Variants in ST8SIA4 observed in about 807,000 individuals in gnomAD.
The protein encoded by ST8SIA4 is ST8 alpha-N-acetyl-neuraminide alpha-2,8-sialyltransferase 4.
Under a neutral mutation model 33.9 loss-of-function variants are expected in ST8SIA4, and 15 were observed. The observed-to-expected ratio is 0.44, with a 90% CI of 0.30 to 0.68. The LOEUF is 0.68. ST8SIA4 is among the 30% of genes least tolerant of loss of function. The pLI, the probability that ST8SIA4 is intolerant of heterozygous loss-of-function variation, is 0.10. For missense variants in ST8SIA4, 321 were observed against 428.0 expected (o/e 0.75, Z 2.21); for synonymous variants, 171 against 151.2 (o/e 1.13, Z -0.96).
intron 4 of ST8SIA4, among the ~76,000 whole-genome samples, chr5:100,844,016 T>C (rs929225491): frequency 1.8e-4 from 28 of 151,848 alleles, no homozygotes; most frequent in Non-Finnish European, 1.2e-4. Context: ...CAGAAATTCT[T>C]CACGGAATGT....
At chr5:100,826,052 A>T (rs1751137117) in intron 4 of ST8SIA4, among the ~76,000 whole-genome samples, 1 of 152,182 alleles carries the variant, frequency 6.6e-6, no homozygotes, top group African/African-American at 2.4e-5. Context: ...CCAGAATTCT[A>T]GTTCTTTTGA....
chr5:100,816,083 T>C (rs1750909805), intron 4 of ST8SIA4, among the ~76,000 whole-genome samples: 2 of 152,186 alleles, frequency 1.3e-5, no homozygotes, highest in South Asian at 2.1e-4. Context: ...TTTAATTCTA[T>C]GGCTTTGGGG....
chr5:100,880,403 C>T (rs1302410267), intron 3 of ST8SIA4, among the ~76,000 whole-genome samples: 6 of 152,132 alleles, frequency 3.9e-5, no homozygotes, highest in Non-Finnish European at 8.8e-5. Flanking sequence ...AGAGGATATT[C>T]TGTACAAGCA....
chr5:100,808,719 T>G lies in ST8SIA4; in HGVS notation c.*3128A>C, dbSNP rs1750742988. 6.5e-6 allele frequency: 1 copy of G among 152,702 alleles called. No individual in the cohort carries two copies. Among genetic ancestry groups the G allele is most frequent in the African/African-American group, 2.4e-5 (1 of 41,474 alleles). 9.5% of individuals were successfully genotyped at this position (152,702 alleles called of 1,614,324 possible). ...ATGATCCTTTATGCTCCGCTATTGG[T>G]TAAATCTCAACTCTTTTTCTTATTC... is the stretch of plus-strand genomic sequence containing the variant. On this transcript the variant is annotated 3_prime_UTR_variant, in exon 5 of 5. Transcript: ENST00000231461.
chr5:100,844,113 G>T (rs191069025), intron 4 of ST8SIA4, among the ~76,000 whole-genome samples: 1 of 151,976 alleles, frequency 6.6e-6, no homozygotes, highest in East Asian at 1.9e-4. Flanking sequence ...CCTAAGATAT[G>T]ATGGCAAGTA....
intron 4 of ST8SIA4, among the ~76,000 whole-genome samples, chr5:100,835,501 A>T (rs79336119): frequency 2.6e-3 from 396 of 152,286 alleles, no homozygotes; most frequent in African/African-American, 9.0e-3. Context: ...TGGAAAGTTA[A>T]CTTCTTACAG....
At chr5:100,877,501 G>A (rs147542702) in intron 3 of ST8SIA4, among the ~76,000 whole-genome samples, 9 of 152,258 alleles carry the variant, frequency 5.9e-5, no homozygotes, top group Admixed American at 2.0e-4. Context: ...GAGTTGTAAG[G>A]AAGAAAGAAA....
chr5:100,868,750 A>G (rs1752135112), intron 3 of ST8SIA4, among the ~76,000 whole-genome samples: 1 of 151,998 alleles, frequency 6.6e-6, no homozygotes, highest in Non-Finnish European at 1.5e-5. Flanking sequence ...TTTTCCTCAG[A>G]CACCCTAGCC....
chr5:100,877,477 A>C (rs1752329901), intron 3 of ST8SIA4, among the ~76,000 whole-genome samples: 1 of 152,216 alleles, frequency 6.6e-6, no homozygotes, highest in Non-Finnish European at 1.5e-5. Context: ...GTCAGAAGGC[A>C]ACAAGAAGAA....
intron 2 of ST8SIA4, among the ~76,000 whole-genome samples, chr5:100,889,996 G>C (rs796761172): frequency 7.2e-5 from 11 of 151,862 alleles, no homozygotes; most frequent in African/African-American, 2.7e-4. Context: ...GTAAACTTGA[G>C]TGACTCTGGG....
chr5:100,838,245 A>G (rs1751403556), intron 4 of ST8SIA4, among the ~76,000 whole-genome samples: 1 of 152,044 alleles, frequency 6.6e-6, no homozygotes, highest in Non-Finnish European at 1.5e-5. Flanking sequence ...CTTTAAAAGA[A>G]TCACCAGATA....
chr5:100,888,210 A>C (rs1409543379), intron 2 of ST8SIA4, among the ~76,000 whole-genome samples: 2 of 151,502 alleles, frequency 1.3e-5, no homozygotes, highest in East Asian at 1.9e-4. Context: ...GAAAAAAAAA[A>C]AAACATATAT....
At chr5:100,868,395 A>C (rs1284629175) in intron 3 of ST8SIA4, among the ~76,000 whole-genome samples, 1 of 152,034 alleles carries the variant, frequency 6.6e-6, no homozygotes, top group Admixed American at 6.6e-5. Context: ...CCATGATATA[A>C]AATCTATTCT....
At chr5:100,867,004 G>A (rs951996185) in intron 3 of ST8SIA4, among the ~76,000 whole-genome samples, 1 of 152,020 alleles carries the variant, frequency 6.6e-6, no homozygotes, top group Non-Finnish European at 1.5e-5. Flanking sequence ...ATTAGCATGT[G>A]ATTGTTTTCC....
chr5:100,879,102 G>A (rs988179694), intron 3 of ST8SIA4, among the ~76,000 whole-genome samples: 4 of 152,150 alleles, frequency 2.6e-5, no homozygotes, highest in Non-Finnish European at 5.9e-5. Flanking sequence ...GATAATTTTT[G>A]TGCCTTCACT....
At chr5:100,888,537 A>G (rs1752590412) in intron 2 of ST8SIA4, among the ~76,000 whole-genome samples, 1 of 151,986 alleles carries the variant, frequency 6.6e-6, no homozygotes, top group African/African-American at 2.4e-5. Flanking sequence ...TTGTATTTTC[A>G]AAGTAATAAA....
At chr5:100,898,243 G>C (rs1388501830) in intron 1 of ST8SIA4, among the ~76,000 whole-genome samples, 1 of 152,146 alleles carries the variant, frequency 6.6e-6, no homozygotes, top group Non-Finnish European at 1.5e-5. Context: ...GGGATTACTT[G>C]ATCCTAGGAG....
At chr5:100,848,600 G>A (rs1042680911) in intron 4 of ST8SIA4, among the ~76,000 whole-genome samples, 6 of 149,856 alleles carry the variant, frequency 4.0e-5, no homozygotes, top group Non-Finnish European at 3.0e-5. Flanking sequence ...TACAAAGAAA[G>A]TATATCGCGA....
intron 4 of ST8SIA4, among the ~76,000 whole-genome samples, chr5:100,825,105 A>G (rs1751113259): frequency 6.6e-6 from 1 of 152,112 alleles, no homozygotes; most frequent in African/African-American, 2.4e-5. Flanking sequence ...GTTAGAACCA[A>G]TGATTATTCA....
Sources: allele counts gnomAD v4.1 joint callset (sites outside exome capture counted in the v4.1 genomes callset), GRCh38; gene constraint gnomAD v4.1.1; transcripts MANE v1.5; gene names NCBI Gene and HGNC (gene_info 2026-07-23, HGNC 2026-07-21).